The following ATP11C variants were observed in gnomAD, a reference collection of about 807,000 sequenced individuals.
ATP11C encodes the protein ATPase phospholipid transporting 11C (ATP11C blood group).
Under a neutral mutation model 97.4 loss-of-function variants are expected in ATP11C, and 36 were observed. That is an observed-to-expected ratio of 0.37 (90% confidence interval 0.28 to 0.49). The LOEUF (loss-of-function observed/expected upper bound fraction) is 0.49, where lower values mean the gene tolerates loss of function less well. ATP11C is among the 20% of genes least tolerant of loss of function. ATP11C has a pLI of 0.98. For missense variants in ATP11C, 730 were observed against 824.6 expected (o/e 0.89, Z 1.40); for synonymous variants, 275 against 290.9 (o/e 0.95, Z 0.56).
intron 24 of ATP11C, among the ~76,000 whole-genome samples, chrX:139,749,430 T>A (rs112604157): frequency 3.2e-3 from 358 of 112,337 alleles, no homozygotes; most frequent in Middle Eastern, 0.014. Context: ...TAGGCTACAA[T>A]TCTAAAAATC....
chrX:139,750,167 AAC>A lies in ATP11C; in HGVS notation c.2701-17_2701-16del. ...TCATACAGTGGCTAAAATGAAAAAC[AAC>A]AGAGGAAAGAAAGAAATTTCATGTA... On this transcript the variant is annotated splice_polypyrimidine_tract_variant and intron_variant, in intron 23 of 29. Coordinates refer to ENST00000682941, the MANE Select transcript of ATP11C (RefSeq NM_001353812.2). The A allele has an allele frequency of 8.6e-7, 1 of 1,159,344 alleles. No homozygotes were observed.
chrX:139,748,848 A>G (rs1174819001), intron 24 of ATP11C, among the ~76,000 whole-genome samples: 1 of 111,938 alleles, frequency 8.9e-6, no homozygotes, highest in Non-Finnish European at 1.9e-5. Flanking sequence ...ACCAATTGCA[A>G]TGTGTGGACC....
chrX:139,908,922 C>T (rs914129052), intron 1 of ATP11C, among the ~76,000 whole-genome samples: 2 of 111,779 alleles, frequency 1.8e-5, no homozygotes, highest in African/African-American at 6.5e-5. Context: ...TACTTTAGGA[C>T]CATGCCAACT....
chrX:139,744,624 T>C (rs1347564358), intron 25 of ATP11C, among the ~76,000 whole-genome samples: 1 of 112,059 alleles, frequency 8.9e-6, no homozygotes, highest in African/African-American at 3.2e-5. Context: ...CAATCAGTTA[T>C]AAATCTGAAG....
At chrX:139,862,305 C>A (rs1395402853) in intron 1 of ATP11C, among the ~76,000 whole-genome samples, 1 of 110,927 alleles carries the variant, frequency 9.0e-6, no homozygotes, top group Admixed American at 9.6e-5. Flanking sequence ...TGAGCTTCTC[C>A]GGCAAAGTAA....
rs1391227489 is a variant in ATP11C, at chrX:139,727,930, G to A, written c.*1036C>T. ...CTACAAGCTGAACCACCGTTTTGGG[G>A]TGGCTCCTTCCCCCTTTCCAAATTG... is the stretch of plus-strand genomic sequence containing the variant. On this transcript the variant is annotated 3_prime_UTR_variant, in exon 30 of 30. Transcript: ENST00000682941. 1 of 112,079 alleles carries A rather than the reference G, an allele frequency of 8.9e-6. No individual in the cohort carries two copies. Among genetic ancestry groups the A allele is most frequent in the Non-Finnish European group, 1.9e-5 (1 of 53,057 alleles). 9.2% of individuals were successfully genotyped at this position (112,079 alleles called of 1,213,427 possible). A position where few individuals can be genotyped will look rare whatever the true frequency, so the allele number is the denominator to read the frequency against.
At chrX:139,775,086 C>CAT (rs2082323879) in intron 18 of ATP11C, 133 bp from the exon 19 acceptor site, 1 of 608,465 alleles carries the variant, frequency 1.6e-6, no homozygotes, top group Non-Finnish European at 2.4e-6. Flanking sequence ...GGTTGACTTT[C>CAT]ATATACATCC....
chrX:139,838,332 A>C (rs2083777447), intron 1 of ATP11C, among the ~76,000 whole-genome samples: 1 of 111,688 alleles, frequency 9.0e-6, no homozygotes, highest in Non-Finnish European at 1.9e-5. Flanking sequence ...GTAATAAAGT[A>C]CCAAGGAATG....
intron 2 of ATP11C, among the ~76,000 whole-genome samples, chrX:139,820,891 C>A (rs1031121262): frequency 9.0e-6 from 1 of 110,866 alleles, no homozygotes; most frequent in Non-Finnish European, 1.9e-5. Context: ...GAGAGTTCTG[C>A]GGTTGACAGT....
rs2085454708 is a variant in ATP11C at position 139,932,382 on chromosome X, GAT to G, written c.-342_-341del. ...AGGCGAGCCCGCCGCGCGGGGGAAG[GAT>G]GGCGGAGGAGCGCGAGGCTCCTCCT... On this transcript the variant is annotated 5_prime_UTR_variant, in exon 1 of 30. Coordinates refer to ENST00000682941, the MANE Select transcript of ATP11C (RefSeq NM_001353812.2). The G allele has an allele frequency of 9.1e-6, 1 of 109,742 alleles. No homozygotes were observed. Among genetic ancestry groups the G allele is most frequent in the South Asian group, 3.8e-4 (1 of 2,627 alleles). 9.0% of individuals were successfully genotyped at this position (109,742 alleles called of 1,213,427 possible). A position where few individuals can be genotyped will look rare whatever the true frequency, so the allele number is the denominator to read the frequency against.
intron 1 of ATP11C, among the ~76,000 whole-genome samples, chrX:139,863,002 T>C (rs2147994500): frequency 9.0e-6 from 1 of 111,550 alleles, no homozygotes; most frequent in South Asian, 3.9e-4. Context: ...TGATTTGTTC[T>C]AGTAAGAACA....
chrX:139,916,139 G>A lies in ATP11C; in HGVS notation c.27+15877C>T. ...AGCTACTCGGGAGGCTGAGGCAAGA[G>A]CATCGCTTGAACCCAGGAGGCAGAG... On this transcript the variant is annotated intron_variant, in intron 1 of 29. Coordinates refer to ENST00000682941, the MANE Select transcript of ATP11C (RefSeq NM_001353812.2). Among the ~76,000 whole-genome samples the A allele has an allele frequency of 2.8e-5, 3 of 107,636 alleles. No homozygotes were observed. The South Asian group carries it at 1.3e-3, about 46-fold the overall frequency. The allele number at this position is 107,636 out of a possible 115,157, so 93.5% of individuals were successfully genotyped here.
Position 139,728,653 on chromosome X carries a change from A to C in ATP11C, c.*313T>G, listed in dbSNP as rs1265111458. 2 of 286,872 alleles carry C rather than the reference A, an allele frequency of 7.0e-6. No homozygotes were observed. Among genetic ancestry groups the C allele is most frequent in the African/African-American group, 5.3e-5 (2 of 38,040 alleles). The allele number at this position is 286,872 out of a possible 1,213,427, so 23.6% of individuals were successfully genotyped here. A position where few individuals can be genotyped will look rare whatever the true frequency, so the allele number is the denominator to read the frequency against. On this transcript the variant is annotated 3_prime_UTR_variant, in exon 30 of 30. Transcript: ENST00000682941. ...AAGTTCATGGGTTAAAAGAGCACCC[A>C]TTTGAGTTATATTACTCTAACTAAA...
At chrX:139,895,307 T>C (rs1159314538) in intron 1 of ATP11C, among the ~76,000 whole-genome samples, 2 of 111,840 alleles carry the variant, frequency 1.8e-5, no homozygotes, top group African/African-American at 6.5e-5. Flanking sequence ...AGTCTTGCTC[T>C]GTCACTCAGT....
intron 1 of ATP11C, chrX:139,924,146 G>A: frequency 2.6e-6 from 1 of 384,261 alleles, no homozygotes; most frequent in Admixed American, 2.5e-5. Flanking sequence ...CACGAACTTG[G>A]CGATGCTCCA....
intron 7 of ATP11C, 95 bp downstream of exon 7, chrX:139,802,141 A>G: frequency 1.6e-6 from 1 of 609,086 alleles, no homozygotes; most frequent in Non-Finnish European, 2.8e-6. Flanking sequence ...AAATGAGAGT[A>G]GGCTGGTAAG....
intron 1 of ATP11C, among the ~76,000 whole-genome samples, chrX:139,829,062 G>A (rs752028842): frequency 2.7e-5 from 3 of 112,068 alleles, no homozygotes; most frequent in East Asian, 2.8e-4. Context: ...GGAGAAAATG[G>A]ATTGAAATTA....
At chrX:139,796,982 T>A (rs949430436) in intron 11 of ATP11C, among the ~76,000 whole-genome samples, 194 bp downstream of exon 11, 12 of 111,134 alleles carry the variant, frequency 1.1e-4, no homozygotes, top group African/African-American at 3.9e-4. Flanking sequence ...AAGTTTTTTT[T>A]ACAAAAAAAA....
upstream of ATP11C, among the ~76,000 whole-genome samples, chrX:139,933,361 C>G (rs985041365): frequency 8.9e-6 from 1 of 112,029 alleles, no homozygotes; most frequent in Admixed American, 9.4e-5. Context: ...CTAAATTAGG[C>G]AAAGCTCCGA....
Sources: gnomAD v4.1 joint callset for allele counts (sites outside exome capture counted in the v4.1 genomes callset) on GRCh38, gnomAD v4.1.1 for gene constraint, MANE v1.5 for transcripts, NCBI Gene and HGNC (gene_info 2026-07-23, HGNC 2026-07-21) for gene names.